Variants in IRAK1BP1 observed in about 807,000 individuals in gnomAD.
IRAK1BP1 encodes the protein interleukin 1 receptor associated kinase 1 binding protein 1.
In IRAK1BP1, 24 loss-of-function variants were observed where a neutral mutation model predicts 28.0. The ratio of observed to expected loss-of-function variants is 0.86; its 90% confidence interval spans 0.62 to 1.20. The LOEUF is 1.20. IRAK1BP1 is among the 50% of genes most tolerant of loss of function. IRAK1BP1 has a pLI of 0.00. For synonymous variants in IRAK1BP1, 131 were observed against 116.3 expected (o/e 1.13, Z -0.81); for missense variants, 336 against 316.7 (o/e 1.06, Z -0.46).
At chr6:78,906,729 A>G (rs1772270973), downstream of IRAK1BP1, among the ~76,000 whole-genome samples, 1 of 152,150 alleles carries the variant, frequency 6.6e-6, no homozygotes, top group Non-Finnish European at 1.5e-5. Context: ...TTTTCCCCAA[A>G]TATTTACAAA....
chr6:78,910,647 GGAGCCTTTCCTGGAGTGGCGGCGGAT>G (rs1772381030), intron 4 of IRAK1BP1, among the ~76,000 whole-genome samples: 1 of 152,250 alleles, frequency 6.6e-6, no homozygotes, highest in African/African-American at 2.4e-5. Context: ...CGCGGAGGGC[GGAGCCTTTCCTGGAGTGGCGGCGGAT>G]GACCCGGGCT....
At chr6:78,881,524 A>G (rs1771228290) in intron 1 of IRAK1BP1, among the ~76,000 whole-genome samples, 1 of 152,146 alleles carries the variant, frequency 6.6e-6, no homozygotes, top group Non-Finnish European at 1.5e-5. Flanking sequence ...TGTAAACTGG[A>G]GGAAAAAGGC....
the IRAK1BP1 span, chr6:78,970,883 A>T: frequency 6.3e-7 from 1 of 1,598,932 alleles, no homozygotes; most frequent in Non-Finnish European, 8.5e-7. Context: ...GTCGGAAATA[A>T]TAAACCTAAA....
At chr6:78,925,210 C>T (rs1772854281) in intron 4 of IRAK1BP1, among the ~76,000 whole-genome samples, 1 of 152,002 alleles carries the variant, frequency 6.6e-6, no homozygotes, top group South Asian at 2.1e-4. Flanking sequence ...GGGAGATATA[C>T]CTAATGTTAA....
At position 78,901,276 on chromosome 6, in the gene IRAK1BP1, A is replaced by G. The variant is rs1262547950; in HGVS notation, c.*2942A>G. On this transcript the variant is annotated 3_prime_UTR_variant, in exon 4 of 4. Coordinates refer to ENST00000369940, the MANE Select transcript of IRAK1BP1 (RefSeq NM_001010844.4). ...AAAAAACAAAAAAATCCTGTAAAGT[A>G]TACAATCCTACATTTTTCTATAGAA... 2 of 152,062 alleles carry G rather than the reference A, an allele frequency of 1.3e-5. No homozygotes were observed. Among genetic ancestry groups the G allele is most frequent in the Non-Finnish European group, 2.9e-5 (2 of 67,990 alleles). The allele number at this position is 152,062 out of a possible 1,614,324, so 9.4% of individuals were successfully genotyped here.
In IRAK1BP1 at chr6:78,898,685, A is replaced by G. The variant is rs1243958246; in HGVS notation, c.*351A>G. The G allele has an allele frequency of 6.6e-6, 1 of 151,792 alleles. No homozygotes were observed. Among genetic ancestry groups the G allele is most frequent in the African/African-American group, 2.4e-5 (1 of 41,364 alleles). 9.4% of individuals were successfully genotyped at this position (151,792 alleles called of 1,614,324 possible). A position where few individuals can be genotyped will look rare whatever the true frequency, so the allele number is the denominator to read the frequency against. On this transcript the variant is annotated 3_prime_UTR_variant, in exon 4 of 4. Transcript: ENST00000369940. ...AATTTTTAAAGATATTTAAGCTAAA[A>G]TTTTCTCAGCCACATTTTTATATAA...
At chr6:78,956,822 A>G in the IRAK1BP1 span, 1 of 152,078 alleles carries the variant, frequency 6.6e-6, no homozygotes, top group Non-Finnish European at 1.5e-5. Context: ...ATTCTTATCT[A>G]AACTTTTATA....
intron 2 of IRAK1BP1, among the ~76,000 whole-genome samples, chr6:78,890,124 C>G (rs1222721533): frequency 6.6e-6 from 1 of 151,992 alleles, no homozygotes; most frequent in Non-Finnish European, 1.5e-5. Flanking sequence ...TTTGCGGGGA[C>G]ATGGATGAAG....
chr6:78,942,934 C>T (rs1028666214), intron 4 of IRAK1BP1, among the ~76,000 whole-genome samples: 4 of 152,086 alleles, frequency 2.6e-5, no homozygotes, highest in African/African-American at 9.7e-5. Context: ...AAAAGGAATT[C>T]AGAAGTTTTT....
At chr6:78,886,000 G>A (rs1398123697) in intron 2 of IRAK1BP1, among the ~76,000 whole-genome samples, 1 of 152,132 alleles carries the variant, frequency 6.6e-6, no homozygotes, top group Non-Finnish European at 1.5e-5. Context: ...ATCAGAGTAT[G>A]TTCTAGTGGT....
At position 78,934,452 on chromosome 6, in the gene IRAK1BP1, CAT is replaced by C. The variant is rs529435687; in HGVS notation, c.*68-10955_*68-10954del. 3.1e-3 allele frequency among the ~76,000 whole-genome samples: 475 copies of C among 152,306 alleles called. 3 individuals are homozygous for C. The highest frequency in any genetic ancestry group is 0.011 in the African/African-American group (441 of 41,568). ...GCCTGTACTTCTTTTTATTAGTAAA[CAT>C]GTACTTTTAAAGCAATTCACAATTT... On this transcript the variant is annotated intron_variant and NMD_transcript_variant, in intron 4 of 4. Transcript: ENST00000606868.
At chr6:78,868,878 A>G (rs1308539644) in intron 1 of IRAK1BP1, among the ~76,000 whole-genome samples, 1 of 152,240 alleles carries the variant, frequency 6.6e-6, no homozygotes, top group African/African-American at 2.4e-5. Flanking sequence ...TAACTTATCC[A>G]GGATGACATT....
At chr6:78,891,224 G>C (rs1326261863) in intron 2 of IRAK1BP1, among the ~76,000 whole-genome samples, 1 of 152,146 alleles carries the variant, frequency 6.6e-6, no homozygotes, top group Non-Finnish European at 1.5e-5. Flanking sequence ...ATGAAGACTA[G>C]AAGAAAAGAA....
chr6:78,888,601 T>C (rs1335908200), intron 2 of IRAK1BP1, among the ~76,000 whole-genome samples: 2 of 150,908 alleles, frequency 1.3e-5, no homozygotes, highest in African/African-American at 4.9e-5. Flanking sequence ...CACTGTAACC[T>C]CTGCCTCCCA....
Position 78,908,345 on chromosome 6 carries a change from C to G in IRAK1BP1, c.*67+5235C>G, listed in dbSNP as rs546204215. Among the ~76,000 whole-genome samples, 475 of 152,108 alleles carry G rather than the reference C, an allele frequency of 3.1e-3. 3 individuals are homozygous for G. The highest frequency in any genetic ancestry group is 0.011 in the African/African-American group (441 of 41,502). ...GGATTAAGGCGTGAGCCACCACACTCGGCCATTATTTTTTATTTTTTTAGA... is the reference window on the plus strand; with the variant it reads ...GGATTAAGGCGTGAGCCACCACACTGGGCCATTATTTTTTATTTTTTTAGA... On this transcript the variant is annotated intron_variant and NMD_transcript_variant, in intron 4 of 4. Transcript: ENST00000606868.
At chr6:78,933,686 T>G (rs1467906836) in intron 4 of IRAK1BP1, among the ~76,000 whole-genome samples, 1 of 147,940 alleles carries the variant, frequency 6.8e-6, no homozygotes, top group Non-Finnish European at 1.5e-5. Context: ...TTTTTTTTTT[T>G]GGCAGCTTTC....
At chr6:78,952,860 T>C in the IRAK1BP1 span, among the ~76,000 whole-genome samples, 1 of 152,132 alleles carries the variant, frequency 6.6e-6, no homozygotes, top group African/African-American at 2.4e-5. Context: ...ACAGCATTTC[T>C]TTTTTCTTGG....
the IRAK1BP1 span, among the ~76,000 whole-genome samples, chr6:78,973,440 C>A: frequency 7.0e-6 from 1 of 142,754 alleles, no homozygotes; most frequent in Non-Finnish European, 1.5e-5. Flanking sequence ...AATGTAAAGA[C>A]CATCGAGACT....
chr6:78,949,024 G>A (rs1387310351), downstream of IRAK1BP1, among the ~76,000 whole-genome samples: 1 of 151,942 alleles, frequency 6.6e-6, no homozygotes, highest in African/African-American at 2.4e-5. Flanking sequence ...GTACTACATT[G>A]AATAGCAGTG....
Sources: allele counts gnomAD v4.1 joint callset (sites outside exome capture counted in the v4.1 genomes callset), GRCh38; gene constraint gnomAD v4.1.1; transcripts MANE v1.5; gene names NCBI Gene and HGNC (gene_info 2026-07-23, HGNC 2026-07-21).